The following AMZ1 variants were observed in gnomAD, a reference collection of about 807,000 sequenced individuals.
AMZ1 encodes archaemetzincin-1.
A neutral mutation model predicts 29.9 loss-of-function variants in AMZ1; 39 were observed. The observed-to-expected ratio is 1.30, with a 90% CI of 1.01 to 1.70. The LOEUF (loss-of-function observed/expected upper bound fraction) is 1.70, where lower values mean the gene tolerates loss of function less well. Among genes scored for constraint, AMZ1 ranks in the 40% most tolerant of loss-of-function variants. The pLI is 0.00. For missense variants in AMZ1, 1,041 were observed against 680.6 expected, an observed-to-expected ratio of 1.53 and a Z score of -5.89; for synonymous variants, 458 against 304.0, an observed-to-expected ratio of 1.51 and a Z score of -5.27.
At chr7:2,735,199 G>T (rs1444376350) in intron 4 of AMZ1, among the ~76,000 whole-genome samples, 3 of 152,168 alleles carry the variant, frequency 2.0e-5, no homozygotes, top group Non-Finnish European at 4.4e-5. Context: ...GCCTCGGGAG[G>T]TGCCACGCAA....
At chr7:2,688,064 G>C (rs1787155604), upstream of AMZ1, 1 of 152,434 alleles carries the variant, frequency 6.6e-6, no homozygotes, top group Admixed American at 6.5e-5. Context: ...GCTCCACCGC[G>C]GGCAGCTGGA....
In AMZ1 at chr7:2,680,077, G is replaced by A. The variant is rs1279467168; in HGVS notation, c.-219+406G>A. Reference sequence around the variant, plus strand: ...TGGGGCAAGTGGCTTGGCAGGGGGTGTGTGGAAGCTGGGGAGTCTATAGCC... The same window carrying A: ...TGGGGCAAGTGGCTTGGCAGGGGGTATGTGGAAGCTGGGGAGTCTATAGCC... On this transcript the variant is annotated intron_variant, in intron 1 of 6. Coordinates refer to the AMZ1 transcript ENST00000312371. 3.3e-5 allele frequency among the ~76,000 whole-genome samples: 5 copies of A among 152,342 alleles called. 1 individual carries two copies. In the East Asian group the frequency reaches 7.7e-4, roughly 23 times the overall value.
intron 4 of AMZ1, chr7:2,730,615 T>G (rs991586893): frequency 6.6e-6 from 1 of 152,614 alleles, no homozygotes; most frequent in Non-Finnish European, 1.5e-5. Context: ...GGCAACGTGC[T>G]CCCTTTGGGA....
intron 6 of AMZ1, among the ~76,000 whole-genome samples, chr7:2,710,055 G>T (rs1427555166): frequency 2.0e-5 from 3 of 152,246 alleles, no homozygotes; most frequent in African/African-American, 4.8e-5. Context: ...GGTTGCAGCG[G>T]GGTCGAGTGG....
intron 4 of AMZ1, among the ~76,000 whole-genome samples, chr7:2,754,860 C>G (rs190040937): frequency 6.6e-6 from 1 of 152,350 alleles, no homozygotes. Context: ...AAGAATTCTT[C>G]ACCAAGTTCT....
Position 2,712,626 on chromosome 7 carries a change from C to T in AMZ1, c.1245C>T (p.Ile415=). 2 of 1,613,006 alleles carry T rather than the reference C, an allele frequency of 1.2e-6. No homozygotes were observed. Among genetic ancestry groups the T allele is most frequent in the Non-Finnish European group, 1.7e-6 (2 of 1,179,880 alleles). ...KEHERWLAMC[I]QALQREVAEE... ...ATGAACGGTGGCTGGCCATGTGCAT[C>T]CAGGCCCTGCAGCGGGAAGTGGCAG... Residue 415 remains isoleucine, a synonymous_variant, in exon 7 of 7, where the codon ATC becomes ATT. Coordinates refer to ENST00000683327, the MANE Select transcript of AMZ1 (RefSeq NM_001384743.1).
At chr7:2,688,606 C>G (rs1354192252) in intron 1 of AMZ1, among the ~76,000 whole-genome samples, 1 of 152,206 alleles carries the variant, frequency 6.6e-6, no homozygotes, top group Non-Finnish European at 1.5e-5. Context: ...GACCTGCGCG[C>G]TTCCCGATGG....
At chr7:2,709,524 T>G (rs1165512376) in intron 5 of AMZ1, 116 bp from the exon 6 acceptor site, 32 of 1,451,588 alleles carry the variant, frequency 2.2e-5, no homozygotes, top group Non-Finnish European at 2.9e-5. Flanking sequence ...CTGGACCACC[T>G]CCCGGCCATC....
intron 1 of AMZ1, among the ~76,000 whole-genome samples, chr7:2,692,209 A>G (rs559782757): frequency 1.3e-5 from 2 of 152,288 alleles, no homozygotes; most frequent in Non-Finnish European, 2.9e-5. Flanking sequence ...AGGTGGGACC[A>G]CACCCATCTC....
chr7:2,709,424 G>C (rs6960470), intron 5 of AMZ1, among the ~76,000 whole-genome samples, 180 bp downstream of exon 5: 36,579 of 152,164 alleles, frequency 0.24, 6,407 homozygotes, highest in African/African-American at 0.49. Flanking sequence ...AGAGCCCCAA[G>C]CCCCTATCCT....
chr7:2,687,527 C>T (rs537753393), upstream of AMZ1, among the ~76,000 whole-genome samples: 3 of 152,348 alleles, frequency 2.0e-5, no homozygotes, highest in Non-Finnish European at 4.4e-5. Flanking sequence ...TGGGCTCTGT[C>T]TGGAGCCGTC....
At chr7:2,733,701 T>A (rs1790016215) in intron 4 of AMZ1, among the ~76,000 whole-genome samples, 1 of 152,260 alleles carries the variant, frequency 6.6e-6, no homozygotes, top group African/African-American at 2.4e-5. Flanking sequence ...GCAGGTTCTT[T>A]AGCTCCAACC....
chr7:2,706,885 C>A (rs114737018), intron 3 of AMZ1, among the ~76,000 whole-genome samples: 2 of 141,108 alleles, frequency 1.4e-5, no homozygotes, highest in African/African-American at 3.2e-5. Flanking sequence ...CTCAGGAGGC[C>A]GAGGCAGGAA....
At chr7:2,742,105 T>C (rs1312637459) in intron 4 of AMZ1, among the ~76,000 whole-genome samples, 1 of 152,044 alleles carries the variant, frequency 6.6e-6, no homozygotes, top group African/African-American at 2.4e-5. Flanking sequence ...CACTGCAGCC[T>C]CCGCCTCCCA....
chr7:2,688,741 C>G (rs551527714), intron 1 of AMZ1, among the ~76,000 whole-genome samples: 8 of 152,316 alleles, frequency 5.3e-5, no homozygotes, highest in African/African-American at 1.9e-4. Context: ...AGAATCTCGT[C>G]GTGCCCAGGG....
chr7:2,758,834 T>C (rs1372252639), intron 4 of AMZ1, among the ~76,000 whole-genome samples: 1 of 152,168 alleles, frequency 6.6e-6, no homozygotes, highest in Non-Finnish European at 1.5e-5. Context: ...GAGAGGGTTA[T>C]CACCGCATGT....
At chr7:2,682,945 G>C (rs1027576472) in intron 1 of AMZ1, among the ~76,000 whole-genome samples, 2 of 152,202 alleles carry the variant, frequency 1.3e-5, no homozygotes, top group African/African-American at 4.8e-5. Flanking sequence ...GCCAGCCTCA[G>C]AGCCGTCCTC....
At chr7:2,737,720 C>A (rs371816190) in intron 4 of AMZ1, among the ~76,000 whole-genome samples, 1 of 152,144 alleles carries the variant, frequency 6.6e-6, no homozygotes, top group Non-Finnish European at 1.5e-5. Flanking sequence ...CTCACTTCAA[C>A]GTGACAAATT....
intron 4 of AMZ1, among the ~76,000 whole-genome samples, chr7:2,746,240 C>T (rs1219558758): frequency 1.3e-5 from 2 of 152,210 alleles, no homozygotes; most frequent in Non-Finnish European, 2.9e-5. Context: ...CCACACCACA[C>T]CTATTCCAAA....
Sources: allele counts gnomAD v4.1 joint callset (sites outside exome capture counted in the v4.1 genomes callset), GRCh38; gene constraint gnomAD v4.1.1; transcripts MANE v1.5; gene names NCBI Gene and HGNC (gene_info 2026-07-23, HGNC 2026-07-21).